LMF1: variants seen among roughly 807,000 people sequenced by gnomAD.
The protein encoded by LMF1 is transmembrane protein 112.
In LMF1, 68 loss-of-function variants were observed where a neutral mutation model predicts 60.6. The observed-to-expected ratio is 1.12, with a 90% confidence interval of 0.92 to 1.37. The LOEUF is 1.37. LMF1 is among the 40% of genes most tolerant of loss of function. LMF1 has a pLI of 0.00. For synonymous variants in LMF1, 418 were observed against 324.7 expected (o/e 1.29, Z -3.09); for missense variants, 948 against 767.2 (o/e 1.24, Z -2.78).
At chr16:948,904 C>CAG (rs201676401) in intron 2 of LMF1, among the ~76,000 whole-genome samples, 3 of 85,024 alleles carry the variant, frequency 3.5e-5, no homozygotes, top group African/African-American at 1.5e-4. Flanking sequence ...ACGACAGAGT[C>CAG]AGCCAACGAC....
chr16:955,645 G>C (rs1434714733), intron 1 of LMF1, among the ~76,000 whole-genome samples: 2 of 152,198 alleles, frequency 1.3e-5, no homozygotes, highest in Non-Finnish European at 2.9e-5. Context: ...AAGCAAACTA[G>C]ATGCTTGTAT....
chr16:883,808 A>T (rs1413288611), intron 5 of LMF1: 2 of 152,260 alleles, frequency 1.3e-5, no homozygotes, highest in African/African-American at 4.8e-5. Context: ...TTACTGCATG[A>T]CAATATGACA....
At chr16:934,001 C>A in intron 3 of LMF1, 5 of 1,477,214 alleles carry the variant, frequency 3.4e-6, no homozygotes, top group Non-Finnish European at 4.5e-6. Context: ...CTGTGAGATG[C>A]CGACAATCAT....
At chr16:860,003 T>G (rs982672398) in intron 10 of LMF1, among the ~76,000 whole-genome samples, 3 of 151,964 alleles carry the variant, frequency 2.0e-5, no homozygotes, top group Admixed American at 2.0e-4. Flanking sequence ...TGGTTTTTGC[T>G]TCTCTAATGA....
At chr16:908,278 C>A (rs2071019257) in intron 4 of LMF1, among the ~76,000 whole-genome samples, 1 of 152,160 alleles carries the variant, frequency 6.6e-6, no homozygotes, top group Non-Finnish European at 1.5e-5. Context: ...TCTAGTATTT[C>A]TAATTAAATG....
chr16:954,326 A>C, intron 2 of LMF1, 31 bp downstream of exon 2: 3 of 1,600,364 alleles, frequency 1.9e-6, no homozygotes, highest in Non-Finnish European at 1.7e-6. Context: ...AGCAAGCCCT[A>C]AGCTCCGACC....
At chr16:954,963 CACACACAT>C (rs879506557) in intron 1 of LMF1, among the ~76,000 whole-genome samples, 3,264 of 145,170 alleles carry the variant, frequency 0.022, 158 homozygotes, top group South Asian at 0.033. Flanking sequence ...TGCATCCACA[CACACACAT>C]ATCTAAGTGA....
At chr16:855,171 C>T (rs2069151821) in intron 10 of LMF1, 2 of 253,370 alleles carry the variant, frequency 7.9e-6, no homozygotes, top group Non-Finnish European at 1.6e-5. Flanking sequence ...GGGTTTCGGT[C>T]CACGGGGCAG....
At position 953,079 on chromosome 16, in the gene LMF1, A is replaced by C. The variant is rs368860806; in HGVS notation, c.503+1278T>G. Among the ~76,000 whole-genome samples the C allele has an allele frequency of 2.0e-4, 16 of 80,958 alleles. 3 individuals carry two copies. Among genetic ancestry groups the C allele is most frequent in the African/African-American group, 6.6e-4 (10 of 15,122 alleles). The allele number at this position is 80,958 out of a possible 152,430, so 53.1% of individuals were successfully genotyped here. The stretch of plus-strand genomic sequence containing the variant: ...CACGTCCACACAGACACCCACTCCA[A>C]ACCAGCCTCCTACACGTCCACACAG... On this transcript the variant is annotated intron_variant, in intron 2 of 10. Transcript: ENST00000262301.
intron 3 of LMF1, among the ~76,000 whole-genome samples, chr16:913,330 C>G (rs541071096): frequency 4.9e-4 from 74 of 152,248 alleles, no homozygotes; most frequent in Non-Finnish European, 5.6e-4. Context: ...GGAACATTCA[C>G]TTCCACGGCC....
intron 4 of LMF1, among the ~76,000 whole-genome samples, chr16:906,309 T>C (rs2070970811): frequency 6.6e-6 from 1 of 152,186 alleles, no homozygotes; most frequent in Non-Finnish European, 1.5e-5. Flanking sequence ...ATCCTGGGTG[T>C]GTCTGTGAGG....
At chr16:935,265 A>C (rs2071907296) in intron 2 of LMF1, among the ~76,000 whole-genome samples, 1 of 151,820 alleles carries the variant, frequency 6.6e-6, no homozygotes, top group African/African-American at 2.4e-5. Flanking sequence ...ATGCCCCACT[A>C]ATTTTTGTAT....
chr16:955,179 A>C (rs111956788), intron 1 of LMF1, among the ~76,000 whole-genome samples: 3 of 49,718 alleles, frequency 6.0e-5, no homozygotes, highest in African/African-American at 2.5e-4. Context: ...GTGTGTGCAT[A>C]CACACACACA....
chr16:950,899 T>A, intron 2 of LMF1, among the ~76,000 whole-genome samples: 1 of 127,044 alleles, frequency 7.9e-6, no homozygotes, highest in Non-Finnish European at 1.6e-5. Context: ...AACGACAGAG[T>A]CAGAGCCAAC....
At chr16:963,202 C>A (rs1197993618) in intron 1 of LMF1, among the ~76,000 whole-genome samples, 2 of 152,036 alleles carry the variant, frequency 1.3e-5, no homozygotes, top group Admixed American at 6.5e-5. Context: ...GCAGAAGGCT[C>A]CCCACACCCC....
Position 853,913 on chromosome 16 carries a change from C to G in LMF1, c.*619G>C. On this transcript the variant is annotated 3_prime_UTR_variant, in exon 11 of 11. Coordinates refer to ENST00000262301, the MANE Select transcript of LMF1 (RefSeq NM_022773.4). ...AAACCGGGCCAAGAACACATGTGTG[C>G]ACAGGCTGTGTGTGCCTGCATGTGT... is the stretch of plus-strand genomic sequence containing the variant. 2.2e-6 allele frequency: 1 copy of G among 454,082 alleles called. No homozygotes were observed. The highest frequency in any genetic ancestry group is 4.4e-6 in the Non-Finnish European group (1 of 226,796). The allele number at this position is 454,082 out of a possible 1,614,324, so 28.1% of individuals were successfully genotyped here.
In LMF1 at chr16:897,509, G is replaced by A. The variant is rs1314784874; in HGVS notation, c.664-4437C>T. Among the ~76,000 whole-genome samples, 1 of 152,218 alleles carries A rather than the reference G, an allele frequency of 6.6e-6. No individual in the cohort carries two copies. The highest frequency in any genetic ancestry group is 6.5e-5 in the Admixed American group (1 of 15,284). ...CCCTTCCTCCCCACCTGTAAACACAGGGAATTACTCGCGACAGGTCCTGCC... is the reference window on the plus strand; with the variant it reads ...CCCTTCCTCCCCACCTGTAAACACAAGGAATTACTCGCGACAGGTCCTGCC... On this transcript the variant is annotated intron_variant, in intron 4 of 10. Coordinates refer to ENST00000262301, the MANE Select transcript of LMF1 (RefSeq NM_022773.4). The surrounding 1 kb of genome is among the most constrained non-coding windows in gnomAD (Gnocchi z 4.3).
intron 6 of LMF1, 34 bp from the exon 7 acceptor site, chr16:871,375 G>A (rs1223117146): frequency 1.2e-6 from 2 of 1,605,194 alleles, no homozygotes; most frequent in Admixed American, 3.4e-5. Flanking sequence ...CTCGTGCAGG[G>A]GCTCGTGTGG....
intron 3 of LMF1, chr16:933,571 ACCAG>A: frequency 5.3e-6 from 1 of 188,404 alleles, no homozygotes; most frequent in Non-Finnish European, 1.1e-5. Flanking sequence ...CAGGGCCTTT[ACCAG>A]CAAAGACCGG....
Sources: allele counts gnomAD v4.1 joint callset (sites outside exome capture counted in the v4.1 genomes callset), GRCh38; gene constraint gnomAD v4.1.1; non-coding constraint Gnocchi (gnomAD v3.1); transcripts MANE v1.5; gene names NCBI Gene and HGNC (gene_info 2026-07-23, HGNC 2026-07-21).